The following CEP128 variants were observed in gnomAD, a reference collection of about 807,000 sequenced individuals.
The protein encoded by CEP128 is centrosomal protein 128kDa.
A neutral mutation model predicts 156.7 loss-of-function variants in CEP128; 132 were observed. The observed-to-expected ratio is 0.84, with a 90% CI of 0.73 to 0.97. The LOEUF is 0.97. CEP128 is among the 50% of genes least tolerant of loss of function. CEP128 has a pLI of 0.00. For synonymous variants in CEP128, 469 were observed against 448.9 expected, an observed-to-expected ratio of 1.04 and a Z score of -0.57; for missense variants, 1,252 against 1,281.9, an observed-to-expected ratio of 0.98 and a Z score of 0.36.
intron 22 of CEP128, among the ~76,000 whole-genome samples, chr14:80,530,086 C>T (rs1012693260): frequency 6.6e-6 from 1 of 151,960 alleles, no homozygotes; most frequent in African/African-American, 2.4e-5. Context: ...ACATGGTTGC[C>T]AAAAAGAAAT....
intron 13 of CEP128, among the ~76,000 whole-genome samples, chr14:80,812,151 T>C (rs1368284656): frequency 6.6e-6 from 1 of 152,156 alleles, no homozygotes; most frequent in Non-Finnish European, 1.5e-5. Context: ...GAACATGCAG[T>C]ATTTGGTTTT....
chr14:80,625,729 T>C (rs1893685851), intron 19 of CEP128, among the ~76,000 whole-genome samples: 1 of 151,624 alleles, frequency 6.6e-6, no homozygotes, highest in Admixed American at 6.6e-5. Context: ...CCCCTTCCCC[T>C]TTTCCTTCCT....
chr14:80,780,485 C>A (rs887017970), intron 15 of CEP128, among the ~76,000 whole-genome samples: 1 of 152,018 alleles, frequency 6.6e-6, no homozygotes, highest in East Asian at 1.9e-4. Flanking sequence ...AACTTCAATA[C>A]CACATTAGGG....
intron 2 of CEP128, among the ~76,000 whole-genome samples, chr14:80,934,981 G>T (rs1280405944): frequency 6.6e-6 from 1 of 152,086 alleles, no homozygotes; most frequent in Non-Finnish European, 1.5e-5. Flanking sequence ...CTTTATGTAT[G>T]CTCTCTCATT....
downstream of CEP128, among the ~76,000 whole-genome samples, chr14:80,494,702 AAGTAGGTTCATTTTCTT>A (rs1887433246): frequency 1.3e-5 from 2 of 152,184 alleles, no homozygotes; most frequent in South Asian, 4.1e-4. Flanking sequence ...AAATGAAGAA[AAGTAGGTTCATTTTCTT>A]AGTTAAGTAG....
chr14:80,532,950 T>C (rs1427726992), intron 21 of CEP128, among the ~76,000 whole-genome samples: 1 of 152,188 alleles, frequency 6.6e-6, no homozygotes. Flanking sequence ...TCAAGTTCCA[T>C]TGAAAGGATT....
chr14:80,573,749 G>A (rs35699924), intron 20 of CEP128, among the ~76,000 whole-genome samples: 2,972 of 152,218 alleles, frequency 0.02, 53 homozygotes, highest in East Asian at 0.064. Flanking sequence ...CTGCTAATGC[G>A]TTCTTTCTGG....
chr14:80,728,041 C>T (rs971996930), intron 19 of CEP128, among the ~76,000 whole-genome samples: 1 of 152,116 alleles, frequency 6.6e-6, no homozygotes, highest in African/African-American at 2.4e-5. Flanking sequence ...TACCAAAAGA[C>T]ACATGCATAC....
At chr14:80,608,543 G>C (rs2140568191) in intron 19 of CEP128, among the ~76,000 whole-genome samples, 1 of 152,228 alleles carries the variant, frequency 6.6e-6, no homozygotes, top group East Asian at 1.9e-4. Flanking sequence ...GACCCAAAAA[G>C]CTTCTCATGG....
At chr14:80,502,952 A>T (rs1309935831) in intron 24 of CEP128, among the ~76,000 whole-genome samples, 1 of 152,136 alleles carries the variant, frequency 6.6e-6, no homozygotes, top group Non-Finnish European at 1.5e-5. Flanking sequence ...AAGGCTTATC[A>T]GAAAAGCAAA....
intron 19 of CEP128, among the ~76,000 whole-genome samples, chr14:80,725,049 A>G (rs1339184506): frequency 6.8e-6 from 1 of 147,492 alleles, no homozygotes; most frequent in African/African-American, 2.5e-5. Flanking sequence ...TCAGTGTTTG[A>G]AAAGAACAAG....
At chr14:80,701,632 C>G (rs1216167505) in intron 19 of CEP128, among the ~76,000 whole-genome samples, 1 of 152,140 alleles carries the variant, frequency 6.6e-6, no homozygotes, top group South Asian at 2.1e-4. Context: ...TAAAAGGGAC[C>G]GCTTGAAATT....
Position 80,596,819 on chromosome 14 carries a change from C to CAAAAAA in CEP128, c.2807-16402_2807-16397dup, listed in dbSNP as rs57402112. On this transcript the variant is annotated intron_variant, in intron 19 of 24. Transcript: ENST00000555265. ...TCTGAGTAACAGTGAGACACTGTCA[C>CAAAAAA]AAAAAAAAAAAAAAAAAAAAAAAGG... 1.1e-3 allele frequency among the ~76,000 whole-genome samples: 15 copies of CAAAAAA among 14,048 alleles called. 3 individuals carry two copies. Among genetic ancestry groups the CAAAAAA allele is most frequent in the East Asian group, 3.3e-3 (2 of 614 alleles). The allele number at this position is 14,048 out of a possible 152,430, so 9.2% of individuals were successfully genotyped here. A position where few individuals can be genotyped will look rare whatever the true frequency, so the allele number is the denominator to read the frequency against.
At chr14:80,817,217 C>T (rs1884913459) in intron 13 of CEP128, among the ~76,000 whole-genome samples, 1 of 152,048 alleles carries the variant, frequency 6.6e-6, no homozygotes, top group Non-Finnish European at 1.5e-5. Context: ...ATTCACTAAA[C>T]TACTAAAAAA....
intron 20 of CEP128, among the ~76,000 whole-genome samples, chr14:80,574,299 A>G (rs929605829): frequency 2.0e-5 from 3 of 152,198 alleles, no homozygotes; most frequent in Admixed American, 2.0e-4. Context: ...AGCAATTCCG[A>G]GGGAACTCTA....
intron 19 of CEP128, among the ~76,000 whole-genome samples, chr14:80,649,530 G>A (rs1282004960): frequency 2.0e-5 from 3 of 152,090 alleles, no homozygotes; most frequent in African/African-American, 7.2e-5. Flanking sequence ...TGATGCCAGA[G>A]CATGACGTTC....
intron 8 of CEP128, among the ~76,000 whole-genome samples, chr14:80,888,386 A>C (rs1888915898): frequency 6.6e-6 from 1 of 152,236 alleles, no homozygotes; most frequent in African/African-American, 2.4e-5. Context: ...CCTCAGTAAA[A>C]TACTGGCAAA....
At chr14:80,874,710 CG>C (rs1356903124) in intron 8 of CEP128, among the ~76,000 whole-genome samples, 1 of 152,104 alleles carries the variant, frequency 6.6e-6, no homozygotes, top group African/African-American at 2.4e-5. Context: ...CTCCACCTCC[CG>C]GGTTCACGCC....
chr14:80,535,439 T>C (rs1889439716), intron 21 of CEP128, among the ~76,000 whole-genome samples: 2 of 152,360 alleles, frequency 1.3e-5, no homozygotes, highest in South Asian at 4.1e-4. Flanking sequence ...CCTCTAGCTA[T>C]CAACTCTTAG....
Sources: allele counts gnomAD v4.1 joint callset (sites outside exome capture counted in the v4.1 genomes callset), GRCh38; gene constraint gnomAD v4.1.1; transcripts MANE v1.5; gene names NCBI Gene and HGNC (gene_info 2026-07-23, HGNC 2026-07-21).